The following NCKAP1 variants were observed in gnomAD, a reference collection of about 807,000 sequenced individuals.
The protein encoded by NCKAP1 is nck-associated protein 1.
NCKAP1 carries 21 observed loss-of-function variants against 151.2 expected under a neutral mutation model. The observed-to-expected ratio is 0.14, with a 90% CI of 0.10 to 0.20. The LOEUF is 0.20. Among genes scored for constraint, NCKAP1 ranks in the 10% least tolerant of loss-of-function variants. The pLI, the probability that NCKAP1 is intolerant of heterozygous loss-of-function variation, is 1.00. For synonymous variants in NCKAP1, 484 were observed against 451.8 expected (o/e 1.07, Z -0.90); for missense variants, 933 against 1,352.1 (o/e 0.69, Z 4.86).
At chr2:182,942,251 G>C in intron 23 of NCKAP1, 88 bp from the exon 24 acceptor site, 1 of 951,602 alleles carries the variant, frequency 1.1e-6, no homozygotes, top group Non-Finnish European at 1.6e-6. Context: ...AATCTGGCAA[G>C]TAGGAAACAC....
At chr2:182,966,315 T>C (rs1697568463) in intron 16 of NCKAP1, among the ~76,000 whole-genome samples, 1 of 152,086 alleles carries the variant, frequency 6.6e-6, no homozygotes, top group Admixed American at 6.6e-5. Flanking sequence ...TGAGACAGTC[T>C]CACTCTGTCA....
In NCKAP1 at chr2:182,953,178, A is replaced by C. The variant is rs889556711; in HGVS notation, c.2307T>G (p.Leu769=). 6 of 1,613,360 alleles carry C rather than the reference A, an allele frequency of 3.7e-6. No individual in the cohort carries two copies. The Admixed American group carries it at 5.0e-5, about 13-fold the overall frequency. Residue 769 remains leucine, a synonymous_variant, in exon 21 of 31, where the codon CTT becomes CTG. Transcript: ENST00000361354. ...IDITRVFNNV[L]LQQTQHLDSH... ...TGTCTAAATGTTGTGTTTGTTGAAG[A>C]AGCACATTATTAAATACTCTTGTAA...
At chr2:183,028,833 G>A (rs1004230704) in intron 1 of NCKAP1, among the ~76,000 whole-genome samples, 4 of 152,022 alleles carry the variant, frequency 2.6e-5, no homozygotes, top group Admixed American at 1.3e-4. Context: ...ACAATTCTAG[G>A]CTGGGCTCAG....
At chr2:182,932,117 T>C (rs1227031527) in intron 26 of NCKAP1, among the ~76,000 whole-genome samples, 1 of 152,206 alleles carries the variant, frequency 6.6e-6, no homozygotes, top group African/African-American at 2.4e-5. Flanking sequence ...AATTCTCTCC[T>C]GGTATATATT....
chr2:183,017,035 A>G lies in NCKAP1; in HGVS notation c.219+6771T>C, dbSNP rs1001608017. Reference sequence around the variant, plus strand: ...GTGGATGGTGACAGCTCAAGGGGGGAAACACAAAAGAGAAAAAAAGGTAGG... The same window carrying G: ...GTGGATGGTGACAGCTCAAGGGGGGGAACACAAAAGAGAAAAAAAGGTAGG... On this transcript the variant is annotated intron_variant, in intron 2 of 30. Transcript: ENST00000361354. 3.3e-5 allele frequency among the ~76,000 whole-genome samples: 5 copies of G among 152,086 alleles called. No individual in the cohort carries two copies. The East Asian group carries it at 9.6e-4, about 29-fold the overall frequency.
chr2:182,966,032 C>T lies in NCKAP1; in HGVS notation c.1628+1184G>A, dbSNP rs562238902. Among the ~76,000 whole-genome samples the T allele has an allele frequency of 2.0e-5, 3 of 152,192 alleles. No individual in the cohort carries two copies. The East Asian group carries it at 5.8e-4, about 29-fold the overall frequency. ...TAATTCAAGCTTTCCTAACAAACTG[C>T]CAAAATCAACACAGATTATACTATT... is the stretch of plus-strand genomic sequence containing the variant. On this transcript the variant is annotated intron_variant, in intron 16 of 30. Coordinates refer to ENST00000361354, the MANE Select transcript of NCKAP1 (RefSeq NM_013436.5).
intron 18 of NCKAP1, 137 bp from the exon 19 acceptor site, chr2:182,957,733 G>GCTCTGTATCTCACTT: frequency 1.1e-6 from 1 of 944,244 alleles, no homozygotes; most frequent in Non-Finnish European, 1.5e-6. Flanking sequence ...ATATAAGTGA[G>GCTCTGTATCTCACTT]ATACAGAGCT....
intron 17 of NCKAP1, among the ~76,000 whole-genome samples, chr2:182,962,632 A>G (rs991425405): frequency 2.0e-5 from 3 of 152,166 alleles, no homozygotes; most frequent in African/African-American, 7.2e-5. Flanking sequence ...AAGCAAACAG[A>G]TTTAGAGTAC....
chr2:182,999,694 T>G (rs991088428), intron 6 of NCKAP1, among the ~76,000 whole-genome samples: 13 of 152,104 alleles, frequency 8.5e-5, no homozygotes, highest in Admixed American at 3.3e-4. Context: ...AAAAACACAC[T>G]TGCACTCGTA....
intron 23 of NCKAP1, among the ~76,000 whole-genome samples, chr2:182,945,679 A>G (rs1043391856): frequency 6.6e-6 from 1 of 152,228 alleles, no homozygotes; most frequent in African/African-American, 2.4e-5. Flanking sequence ...TGCAGAGAAA[A>G]AGAAATGCTT....
At chr2:182,989,871 G>A (rs991982969) in intron 8 of NCKAP1, among the ~76,000 whole-genome samples, 7 of 151,724 alleles carry the variant, frequency 4.6e-5, no homozygotes, top group East Asian at 3.9e-4. Flanking sequence ...GTGTTGGTGC[G>A]CCCAGCTATT....
Position 182,920,716 on chromosome 2 carries a change from G to A in NCKAP1, c.*4986C>T, listed in dbSNP as rs1323193995. 6.6e-6 allele frequency: 1 copy of A among 152,052 alleles called. No homozygotes were observed. The allele number at this position is 152,052 out of a possible 1,614,324, so 9.4% of individuals were successfully genotyped here. A position where few individuals can be genotyped will look rare whatever the true frequency, so the allele number is the denominator to read the frequency against. ...TTACGAGGGCATTAATCCCATTCAT[G>A]AAGGCTCCACTCTCATGACCTAATC... is the stretch of plus-strand genomic sequence containing the variant. On this transcript the variant is annotated 3_prime_UTR_variant, in exon 31 of 31. Coordinates refer to ENST00000361354, the MANE Select transcript of NCKAP1 (RefSeq NM_013436.5).
intron 13 of NCKAP1, 47 bp downstream of exon 13, chr2:182,981,197 G>A: frequency 6.3e-7 from 1 of 1,579,950 alleles, no homozygotes; most frequent in Non-Finnish European, 8.7e-7. Context: ...TACTATCAAA[G>A]GTGGGAAGGA....
intron 24 of NCKAP1, 149 bp downstream of exon 24, chr2:182,941,921 G>T: frequency 1.7e-6 from 1 of 595,564 alleles, no homozygotes; most frequent in Non-Finnish European, 2.9e-6. Flanking sequence ...ATGATCCTTT[G>T]ACTGCAAAAA....
At chr2:183,027,081 T>C (rs992805743) in intron 1 of NCKAP1, among the ~76,000 whole-genome samples, 2 of 152,164 alleles carry the variant, frequency 1.3e-5, no homozygotes, top group African/African-American at 2.4e-5. Context: ...AAGTCTACAT[T>C]TGCTGTAACT....
intron 24 of NCKAP1, 129 bp from the exon 25 acceptor site, chr2:182,935,504 A>T: frequency 5.5e-6 from 3 of 544,552 alleles, no homozygotes; most frequent in Non-Finnish European, 9.5e-6. Context: ...ATTAACAGTA[A>T]TTTGATTACA....
At chr2:183,025,096 T>C (rs930565202) in intron 1 of NCKAP1, 17 of 1,025,302 alleles carry the variant, frequency 1.7e-5, no homozygotes, top group African/African-American at 1.6e-5. Context: ...CTGCAGACTA[T>C]GAATAACAGA....
At chr2:182,931,937 T>G (rs1386460474) in intron 26 of NCKAP1, among the ~76,000 whole-genome samples, 4 of 152,116 alleles carry the variant, frequency 2.6e-5, no homozygotes, top group African/African-American at 9.7e-5. Context: ...CACTTCACAC[T>G]CACTAGATGG....
chr2:182,942,210 T>C (rs1697010499), intron 23 of NCKAP1, 47 bp from the exon 24 acceptor site: 2 of 1,422,942 alleles, frequency 1.4e-6, no homozygotes, highest in Non-Finnish European at 2.0e-6. Flanking sequence ...CCTCTTTGTG[T>C]TAATGAGATA....
Sources: gnomAD v4.1 joint callset for allele counts (sites outside exome capture counted in the v4.1 genomes callset) on GRCh38, gnomAD v4.1.1 for gene constraint, MANE v1.5 for transcripts, NCBI Gene and HGNC (gene_info 2026-07-23, HGNC 2026-07-21) for gene names.